Variants in SPTB observed in about 807,000 individuals in gnomAD.
SPTB encodes spectrin beta chain, erythrocytic.
SPTB carries 45 observed loss-of-function variants against 256.2 expected under a neutral mutation model. That is an observed-to-expected ratio of 0.18 (90% CI 0.14 to 0.23). SPTB has a LOEUF of 0.23. Among genes scored for constraint, SPTB ranks in the 10% least tolerant of loss-of-function variants. The pLI, the probability that SPTB is intolerant of heterozygous loss-of-function variation, is 1.00. For missense variants in SPTB, 2,715 were observed against 3,040.4 expected (o/e 0.89, Z 2.52); for synonymous variants, 1,231 against 1,243.1 (o/e 0.99, Z 0.21).
At chr14:64,804,144 T>C (rs1566774837) in intron 3 of SPTB, among the ~76,000 whole-genome samples, 1 of 152,082 alleles carries the variant, frequency 6.6e-6, no homozygotes. Context: ...GTGTTAAGAG[T>C]AATTTTTAGC....
In SPTB at chr14:64,852,038, A is replaced by T. The variant is rs1244043745; in HGVS notation, c.-52+27754T>A. ...CCCGGAACTTAAAATAAAAATATTTAAAAAGCCCCCAGTAGCTTGCAGTTG... is the reference window on the plus strand; with the variant it reads ...CCCGGAACTTAAAATAAAAATATTTTAAAAGCCCCCAGTAGCTTGCAGTTG... On this transcript the variant is annotated intron_variant, in intron 1 of 35. Coordinates refer to ENST00000644917, the MANE Select transcript of SPTB (RefSeq NM_001355436.2). The surrounding 1 kb of genome is among the most constrained non-coding windows in gnomAD (Gnocchi z 4.2). Among the ~76,000 whole-genome samples the T allele has an allele frequency of 1.3e-5, 2 of 152,334 alleles. No individual in the cohort carries two copies. Among genetic ancestry groups the T allele is most frequent in the South Asian group, 2.1e-4 (1 of 4,830 alleles).
At position 64,759,536 on chromosome 14, in the gene SPTB, G is replaced by A. The variant is rs1184643875; in HGVS notation, c.6346-5743C>T. 1.3e-5 allele frequency among the ~76,000 whole-genome samples: 2 copies of A among 152,240 alleles called. No homozygotes were observed. The highest frequency in any genetic ancestry group is 4.8e-5 in the African/African-American group (2 of 41,462). ...TGTAAGCAGGCCATGGTCTGAGGTG[G>A]GGACTGCCTTACCCGACAGGAGGCG... On this transcript the variant is annotated intron_variant, in intron 32 of 35. Transcript: ENST00000644917. This position sits in a 1 kb window ranked among gnomAD's most constrained non-coding sequence, Gnocchi z 4.8.
At chr14:64,870,240 G>A (rs935714656) in intron 1 of SPTB, among the ~76,000 whole-genome samples, 29 of 151,794 alleles carry the variant, frequency 1.9e-4, no homozygotes, top group African/African-American at 6.5e-4. Context: ...GTTTTACAGA[G>A]GAATCCACAA....
At chr14:64,789,840 G>T (rs2082639406) in intron 15 of SPTB, among the ~76,000 whole-genome samples, 1 of 152,186 alleles carries the variant, frequency 6.6e-6, no homozygotes, top group African/African-American at 2.4e-5. Flanking sequence ...AAGCGACTTG[G>T]ACTGGCTCAT....
rs201446230 is a variant in SPTB at position 64,749,961 on chromosome 14, A to C, written c.6776+20T>G. ...AATCAAGCCATCAACCCGAGCTTTCAAAGGCCAGGAAGGCCTCACCTCAGC... is the reference window on the plus strand; with the variant it reads ...AATCAAGCCATCAACCCGAGCTTTCCAAGGCCAGGAAGGCCTCACCTCAGC... On this transcript the variant is annotated intron_variant, in intron 34 of 35. Transcript: ENST00000644917. This position sits in a 1 kb window ranked among gnomAD's most constrained non-coding sequence, Gnocchi z 4.7. 8.1e-6 allele frequency: 13 copies of C among 1,614,186 alleles called. No individual in the cohort carries two copies. The highest frequency in any genetic ancestry group is 1.1e-5 in the Non-Finnish European group (13 of 1,180,030).
chr14:64,842,355 A>G (rs931333690), intron 1 of SPTB, among the ~76,000 whole-genome samples: 2 of 152,204 alleles, frequency 1.3e-5, no homozygotes, highest in African/African-American at 4.8e-5. Context: ...AGGGGATTTC[A>G]TGGCAGAAAT....
Position 64,839,999 on chromosome 14 carries a change from A to G in SPTB, c.-51-16854T>C, listed in dbSNP as rs191177451. 3.3e-5 allele frequency among the ~76,000 whole-genome samples: 5 copies of G among 152,378 alleles called. No homozygotes were observed. In the East Asian group the frequency reaches 9.6e-4, roughly 29 times the overall value. ...ATTGTCTATGTAAACAATGTCTATC[A>G]GAAAGTTATCTCCTGCAATTTCTCC... is the stretch of plus-strand genomic sequence containing the variant. On this transcript the variant is annotated intron_variant, in intron 1 of 35. Coordinates refer to ENST00000644917, the MANE Select transcript of SPTB (RefSeq NM_001355436.2).
intron 2 of SPTB, among the ~76,000 whole-genome samples, chr14:64,820,019 G>C (rs1350421744): frequency 6.6e-6 from 1 of 152,158 alleles, no homozygotes; most frequent in Non-Finnish European, 1.5e-5. Context: ...CTTGAATCTG[G>C]ATCTTGTGAC....
rs762605375 is a variant in SPTB at position 64,816,109 on chromosome 14, C to A, written c.148+6838G>T. On this transcript the variant is annotated intron_variant, in intron 2 of 35. Coordinates refer to ENST00000644917, the MANE Select transcript of SPTB (RefSeq NM_001355436.2). The surrounding 1 kb of genome is among the most constrained non-coding windows in gnomAD (Gnocchi z 4.2). ...GCGAGCCCTAAAAACCCAAATCTAA[C>A]CGTGTCATTTCCCTGCTGAAAGTAC... Among the ~76,000 whole-genome samples the A allele has an allele frequency of 1.3e-5, 2 of 152,186 alleles. No homozygotes were observed. The highest frequency in any genetic ancestry group is 2.9e-5 in the Non-Finnish European group (2 of 68,034).
chr14:64,755,851 A>G (rs1382976550), intron 32 of SPTB: 1 of 152,318 alleles, frequency 6.6e-6, no homozygotes, highest in East Asian at 1.9e-4. Flanking sequence ...GCAAAGGAGA[A>G]ATTCCTACGA....
chr14:64,750,556 GC>G (rs1240935925), intron 33 of SPTB, among the ~76,000 whole-genome samples: 1 of 151,830 alleles, frequency 6.6e-6, no homozygotes, highest in Non-Finnish European at 1.5e-5. Flanking sequence ...CGGGCGGACC[GC>G]CTGAGGTCAG....
chr14:64,872,033 C>T (rs140547258), intron 1 of SPTB, among the ~76,000 whole-genome samples: 186 of 152,318 alleles, frequency 1.2e-3, no homozygotes, highest in Admixed American at 2.5e-3. Context: ...TCTAAAGCTT[C>T]GCTTCAAACA....
Position 64,853,471 on chromosome 14 carries a change from C to G in SPTB, c.-52+26321G>C, listed in dbSNP as rs1043111577. ...AGAAGCAAGGAGCAAACAACACTGT[C>G]CCATATCCCAGAGAGCCTTAGTGAT... On this transcript the variant is annotated intron_variant, in intron 1 of 35. Coordinates refer to ENST00000644917, the MANE Select transcript of SPTB (RefSeq NM_001355436.2). The surrounding 1 kb of genome is among the most constrained non-coding windows in gnomAD (Gnocchi z 4.3). Among the ~76,000 whole-genome samples the G allele has an allele frequency of 6.6e-6, 1 of 152,198 alleles. No individual in the cohort carries two copies. Among genetic ancestry groups the G allele is most frequent in the Non-Finnish European group, 1.5e-5 (1 of 68,038 alleles).
chr14:64,785,772 C>T lies in SPTB; in HGVS notation c.3741G>A (p.Glu1247=). 1 of 1,614,116 alleles carries T rather than the reference C, an allele frequency of 6.2e-7. No homozygotes were observed. Among genetic ancestry groups the T allele is most frequent in the Non-Finnish European group, 8.5e-7 (1 of 1,180,020 alleles). Residue 1247 remains glutamate, a synonymous_variant, in exon 17 of 36, where the codon GAG becomes GAA. Coordinates refer to ENST00000644917, the MANE Select transcript of SPTB (RefSeq NM_001355436.2). The surrounding 1 kb of genome is among the most constrained non-coding windows in gnomAD (Gnocchi z 4.4). ...EGNLYSDKIK[E]KVQLIEDRHR... ...ACCTGTCCTCAATCAGCTGCACCTTCTCCTTGATCTTGTCTGAGTATAGGT... is the reference window on the plus strand; with the variant it reads ...ACCTGTCCTCAATCAGCTGCACCTTTTCCTTGATCTTGTCTGAGTATAGGT...
At chr14:64,763,717 A>G (rs564200019) in intron 32 of SPTB, 7 of 518,228 alleles carry the variant, frequency 1.4e-5, no homozygotes, top group South Asian at 9.8e-5. Flanking sequence ...GTCTTTCGTG[A>G]GTGAGGTCTT....
intron 2 of SPTB, among the ~76,000 whole-genome samples, chr14:64,820,957 C>A (rs781606261): frequency 6.6e-6 from 1 of 152,124 alleles, no homozygotes; most frequent in Non-Finnish European, 1.5e-5. Context: ...GGATTATAGG[C>A]ATGAGCTACC....
At chr14:64,872,787 T>C (rs984000834) in intron 1 of SPTB, among the ~76,000 whole-genome samples, 5 of 152,194 alleles carry the variant, frequency 3.3e-5, no homozygotes, top group African/African-American at 1.2e-4. Context: ...GGTTTTCCTG[T>C]GCTGTTCTCG....
chr14:64,800,817 G>A lies in SPTB; in HGVS notation c.815C>T (p.Ala272Val). ...DEKSIITYVVAFYHYFSKMKV... is the reference protein window; with the variant it reads ...DEKSIITYVVVFYHYFSKMKV... ...CATCTTGGAGAAGTAGTGGTAAAAGGCCACCACATAGGTGATGATGGATTT... is the reference window on the plus strand; with the variant it reads ...CATCTTGGAGAAGTAGTGGTAAAAGACCACCACATAGGTGATGATGGATTT... The change falls in exon 8 of 36, where the codon GCC (alanine) becomes GTC (valine). Residue 272 changes from alanine to valine, a missense_variant. Transcript: ENST00000644917. 1 of 1,614,182 alleles carries A rather than the reference G, an allele frequency of 6.2e-7. No individual in the cohort carries two copies.
At chr14:64,843,009 G>A (rs911115768) in intron 1 of SPTB, among the ~76,000 whole-genome samples, 2 of 152,082 alleles carry the variant, frequency 1.3e-5, no homozygotes, top group African/African-American at 4.8e-5. Context: ...AGGCTGCAGT[G>A]AGCTGTGATC....
Sources: gnomAD v4.1 joint callset for allele counts (sites outside exome capture counted in the v4.1 genomes callset) on GRCh38, gnomAD v4.1.1 for gene constraint, Gnocchi (gnomAD v3.1) non-coding constraint, MANE v1.5 for transcripts, NCBI Gene and HGNC (gene_info 2026-07-23, HGNC 2026-07-21) for gene names.